TPM1: variants seen among roughly 807,000 people sequenced by gnomAD.
The protein encoded by TPM1 is tropomyosin alpha-1 chain.
In TPM1, 24 loss-of-function variants were observed where a neutral mutation model predicts 42.9. The observed-to-expected ratio is 0.56, with a 90% CI of 0.41 to 0.79. TPM1 has a LOEUF of 0.79. Ranked by LOEUF, TPM1 falls within the 30% of genes least tolerant of loss-of-function variation. The pLI is 0.00. For synonymous variants in TPM1, 136 were observed against 130.1 expected, an observed-to-expected ratio of 1.05 and a Z score of -0.31; for missense variants, 158 against 351.8, an observed-to-expected ratio of 0.45 and a Z score of 4.41.
At chr15:63,057,750 A>G (rs1219597985) in intron 3 of TPM1, among the ~76,000 whole-genome samples, 2 of 152,258 alleles carry the variant, frequency 1.3e-5, no homozygotes, top group African/African-American at 4.8e-5. Flanking sequence ...AGTAAAGGAA[A>G]GCATGGTTCG....
At chr15:63,048,308 C>A (rs1245367188) in intron 2 of TPM1, 1 of 909,078 alleles carries the variant, frequency 1.1e-6, no homozygotes, top group Non-Finnish European at 1.6e-6. Flanking sequence ...CCCGCCGCCG[C>A]GAGCATGCGC....
At chr15:63,054,024 C>T (rs1400808153) in intron 2 of TPM1, among the ~76,000 whole-genome samples, 1 of 152,062 alleles carries the variant, frequency 6.6e-6, no homozygotes, top group Non-Finnish European at 1.5e-5. Context: ...TTCTGACACT[C>T]AGCCACTTGT....
In TPM1 at chr15:63,061,789, G is replaced by A; in HGVS notation, c.639+1G>A. On this transcript the variant is annotated splice_donor_variant, in intron 6 of 9. Coordinates refer to ENST00000403994, the MANE Select transcript of TPM1 (RefSeq NM_001018005.2). LOFTEE classifies it high-confidence loss of function. Reference sequence around the variant, plus strand: ...GTCACTGGAGGCTCAGGCTGAGAAGGTAGGCCAGGAGGATGGTGTGGGGGA... The same window carrying A: ...GTCACTGGAGGCTCAGGCTGAGAAGATAGGCCAGGAGGATGGTGTGGGGGA... The A allele has an allele frequency of 6.2e-7, 1 of 1,614,122 alleles. No individual in the cohort carries two copies. Among genetic ancestry groups the A allele is most frequent in the Non-Finnish European group, 8.5e-7 (1 of 1,179,966 alleles).
intron 2 of TPM1, among the ~76,000 whole-genome samples, chr15:63,051,536 GT>G (rs60450234): frequency 0.035 from 5,196 of 148,018 alleles, 152 homozygotes; most frequent in African/African-American, 0.088. Flanking sequence ...TGTCATCAGT[GT>G]TTTTTTTTTT....
intron 2 of TPM1, 29 bp downstream of exon 2, chr15:63,044,181 ACCT>A: frequency 5.0e-6 from 8 of 1,613,894 alleles, no homozygotes; most frequent in Non-Finnish European, 5.9e-6. Context: ...TGCTTCCCTC[ACCT>A]CTTGCCTGCG....
chr15:63,049,211 G>C (rs1318176752), intron 2 of TPM1: 2 of 186,240 alleles, frequency 1.1e-5, no homozygotes, highest in Admixed American at 6.3e-5. Flanking sequence ...GTGGTTTCCC[G>C]GCGGCCTGTG....
intron 5 of TPM1, 51 bp downstream of exon 5, chr15:63,060,990 G>T (rs1251699340): frequency 1.2e-6 from 2 of 1,604,018 alleles, no homozygotes; most frequent in South Asian, 1.1e-5. Context: ...GCAGAGCAGT[G>T]ACTAAACAGC....
rs761816813 is a variant in TPM1 at position 63,061,779 on chromosome 15, G to A, written c.630G>A (p.Gln210=). The A allele has an allele frequency of 1.2e-6, 2 of 1,614,166 alleles. No homozygotes were observed. Among genetic ancestry groups the A allele is most frequent in the Non-Finnish European group, 1.7e-6 (2 of 1,180,006 alleles). Residue 210 remains glutamine, a synonymous_variant, in exon 6 of 10, where the codon CAG becomes CAA. Coordinates refer to ENST00000403994, the MANE Select transcript of TPM1 (RefSeq NM_001018005.2). ...VTNNLKSLEA[Q]AEKYSQKEDR... is the part of the protein sequence containing the mutation. ...ACAACTTGAAGTCACTGGAGGCTCAGGCTGAGAAGGTAGGCCAGGAGGATG... is the reference window on the plus strand; with the variant it reads ...ACAACTTGAAGTCACTGGAGGCTCAAGCTGAGAAGGTAGGCCAGGAGGATG...
intron 3 of TPM1, among the ~76,000 whole-genome samples, chr15:63,057,440 C>T (rs756803144): frequency 3.3e-5 from 5 of 152,232 alleles, no homozygotes; most frequent in Non-Finnish European, 5.9e-5. Flanking sequence ...CCTTTCACTC[C>T]TACTGACCAC....
At chr15:63,048,525 GC>G (rs771295189) in intron 2 of TPM1, 1 of 1,502,702 alleles carries the variant, frequency 6.7e-7, no homozygotes, top group South Asian at 1.2e-5. Context: ...CCGCAGGGCA[GC>G]AGCCGGCCTC....
downstream of TPM1, chr15:63,069,840 T>C: frequency 2.5e-6 from 4 of 1,613,850 alleles, no homozygotes; most frequent in Non-Finnish European, 2.5e-6. Context: ...TCTGCCTCTT[T>C]TCTGCTAACC....
At chr15:63,070,285 A>T (rs1045914353), downstream of TPM1, 109 of 770,224 alleles carry the variant, frequency 1.4e-4, no homozygotes, top group East Asian at 2.2e-4. Flanking sequence ...TCCTACTTTA[A>T]GTATGTATAT....
rs1034848166 is a variant in TPM1 at position 63,042,820 on chromosome 15, C to T, written c.-10C>T. On this transcript the variant is annotated 5_prime_UTR_variant, in exon 1 of 10. Coordinates refer to ENST00000403994, the MANE Select transcript of TPM1 (RefSeq NM_001018005.2). The stretch of plus-strand genomic sequence containing the variant: ...CTGCTGCAGCCCCAGGGCCCCTCGC[C>T]GCCGCCACCATGGACGCCATCAAGA... 2 of 1,611,508 alleles carry T rather than the reference C, an allele frequency of 1.2e-6. No homozygotes were observed. Among genetic ancestry groups the T allele is most frequent in the African/African-American group, 1.3e-5 (1 of 74,858 alleles).
At chr15:63,057,516 A>G (rs2034995000) in intron 3 of TPM1, among the ~76,000 whole-genome samples, 1 of 152,256 alleles carries the variant, frequency 6.6e-6, no homozygotes, top group African/African-American at 2.4e-5. Context: ...TTAGGTGTAA[A>G]TAAAGGAACT....
At position 63,060,887 on chromosome 15, in the gene TPM1, A is replaced by G. The variant is rs774903903; in HGVS notation, c.511A>G (p.Ile171Val). The G allele has an allele frequency of 2.5e-6, 4 of 1,614,080 alleles. No homozygotes were observed. In the African/African-American group the frequency reaches 4.0e-5, roughly 16 times the overall value. The change falls in exon 5 of 10, where the codon ATC becomes GTC. Residue 171 changes from isoleucine to valine, a missense_variant. Physicochemically the swap from Ile to Val is conservative, Grantham distance 29 (BLOSUM62 3). Transcript: ENST00000403994. ...GCTGCAGGTGGCCCGTAAGCTGGTCATCATTGAGAGCGACCTGGAACGTGC... is the reference window on the plus strand; with the variant it reads ...GCTGCAGGTGGCCCGTAAGCTGGTCGTCATTGAGAGCGACCTGGAACGTGC... Reference protein sequence around the residue: ...KYEEVARKLVIIESDLERAEE... With the variant: ...KYEEVARKLVVIESDLERAEE...
chr15:63,048,267 A>AC, intron 2 of TPM1: 1 of 547,926 alleles, frequency 1.8e-6, no homozygotes, highest in Middle Eastern at 3.5e-4. Context: ...CTCACCAGGT[A>AC]CCCCCGCAGC....
At chr15:63,061,121 A>G (rs2035562962) in intron 5 of TPM1, 182 bp downstream of exon 5, 2 of 1,511,656 alleles carry the variant, frequency 1.3e-6, no homozygotes, top group Non-Finnish European at 1.8e-6. Context: ...TTATGTATGA[A>G]TGCGTGTATC....
chr15:63,051,311 A>G (rs1014057915), intron 2 of TPM1, among the ~76,000 whole-genome samples: 1 of 151,922 alleles, frequency 6.6e-6, no homozygotes, highest in African/African-American at 2.4e-5. Flanking sequence ...AGGAAAACCG[A>G]GGGTGCATTT....
intron 9 of TPM1, chr15:63,064,936 C>G: frequency 4.2e-6 from 4 of 952,168 alleles, no homozygotes; most frequent in Non-Finnish European, 5.0e-6. Flanking sequence ...CACCGCACTC[C>G]AGCCTGGACG....
Sources: gnomAD v4.1 joint callset for allele counts (sites outside exome capture counted in the v4.1 genomes callset) on GRCh38, gnomAD v4.1.1 for gene constraint, MANE v1.5 for transcripts, NCBI Gene and HGNC (gene_info 2026-07-23, HGNC 2026-07-21) for gene names.